DENND1B: variants seen among roughly 807,000 people sequenced by gnomAD.
DENND1B encodes the protein DENN domain containing 1B.
DENND1B carries 59 observed loss-of-function variants against 90.1 expected under a neutral mutation model. The ratio of observed to expected loss-of-function variants is 0.65; its 90% CI spans 0.53 to 0.81. The LOEUF (loss-of-function observed/expected upper bound fraction) is 0.81. DENND1B is among the 40% of genes least tolerant of loss of function. The probability of loss-of-function intolerance (pLI) is 0.00; values close to 1 mark genes in which losing one functional copy is unlikely to be tolerated. For synonymous variants in DENND1B, 337 were observed against 324.6 expected, an observed-to-expected ratio of 1.04 and a Z score of -0.41; for missense variants, 862 against 912.6, an observed-to-expected ratio of 0.94 and a Z score of 0.71.
At chr1:197,639,264 A>G (rs979328608) in intron 10 of DENND1B, among the ~76,000 whole-genome samples, 1 of 151,988 alleles carries the variant, frequency 6.6e-6, no homozygotes, top group African/African-American at 2.4e-5. Context: ...GGGTTTCGCT[A>G]TGTTGGCCAG....
chr1:197,648,866 A>T (rs1192174893), intron 7 of DENND1B, among the ~76,000 whole-genome samples: 6 of 152,208 alleles, frequency 3.9e-5, no homozygotes, highest in Non-Finnish European at 8.8e-5. Flanking sequence ...TATCCTTTAA[A>T]TAGCTACAAT....
At chr1:197,632,520 C>G (rs1260231520) in intron 10 of DENND1B, among the ~76,000 whole-genome samples, 1 of 152,172 alleles carries the variant, frequency 6.6e-6, no homozygotes, top group Non-Finnish European at 1.5e-5. Context: ...ATCACACTGA[C>G]TGTCCTTGAC....
chr1:197,537,261 G>A (rs2125647289), intron 20 of DENND1B, among the ~76,000 whole-genome samples: 1 of 152,180 alleles, frequency 6.6e-6, no homozygotes, highest in South Asian at 2.1e-4. Flanking sequence ...ACACCAGGTA[G>A]GAAAATCATG....
intron 18 of DENND1B, among the ~76,000 whole-genome samples, chr1:197,544,695 AAG>A (rs1476571168): frequency 7.1e-6 from 1 of 140,516 alleles, no homozygotes; most frequent in Non-Finnish European, 1.6e-5. Flanking sequence ...AGGAAAGAAG[AAG>A]ATGAAGATGA....
At chr1:197,719,120 C>T (rs1237210598) in intron 2 of DENND1B, among the ~76,000 whole-genome samples, 1 of 151,652 alleles carries the variant, frequency 6.6e-6, no homozygotes, top group Non-Finnish European at 1.5e-5. Flanking sequence ...AGGAGGTGGC[C>T]GATTTAAGAT....
At chr1:197,675,531 T>C (rs183410167) in intron 3 of DENND1B, among the ~76,000 whole-genome samples, 1 of 152,274 alleles carries the variant, frequency 6.6e-6, no homozygotes, top group Admixed American at 6.5e-5. Context: ...ACAGACTCTA[T>C]ATTAAGCGAA....
chr1:197,634,138 T>C (rs1036985731), intron 10 of DENND1B, among the ~76,000 whole-genome samples: 7 of 152,190 alleles, frequency 4.6e-5, no homozygotes, highest in Admixed American at 4.6e-4. Context: ...TAGGGCTTCT[T>C]CCCTGGGTGC....
intron 20 of DENND1B, among the ~76,000 whole-genome samples, chr1:197,528,334 A>G (rs1669291665): frequency 1.3e-5 from 2 of 152,200 alleles, no homozygotes; most frequent in Admixed American, 1.3e-4. Flanking sequence ...AAGTCTCTGC[A>G]TGCATAAAAG....
intron 2 of DENND1B, among the ~76,000 whole-genome samples, chr1:197,753,359 C>T (rs1189494154): frequency 6.6e-6 from 1 of 151,910 alleles, no homozygotes; most frequent in African/African-American, 2.4e-5. Context: ...CTGGAAAAGG[C>T]AAACTGTAGA....
intron 13 of DENND1B, among the ~76,000 whole-genome samples, chr1:197,601,526 G>GA (rs35339740): frequency 0.16 from 23,631 of 147,936 alleles, 2,096 homozygotes; most frequent in Non-Finnish European, 0.2. Flanking sequence ...ACCTTTTTTA[G>GA]AAAAAAAAAA....
chr1:197,634,197 T>C (rs1051399790), intron 10 of DENND1B, among the ~76,000 whole-genome samples: 2 of 152,204 alleles, frequency 1.3e-5, no homozygotes, highest in Non-Finnish European at 2.9e-5. Flanking sequence ...GTTATTTCTA[T>C]AGTCTTTAGA....
intron 13 of DENND1B, among the ~76,000 whole-genome samples, chr1:197,604,222 A>G (rs1207400645): frequency 1.3e-5 from 2 of 151,190 alleles, no homozygotes; most frequent in African/African-American, 4.8e-5. Flanking sequence ...ATCCAAATCT[A>G]TAGTGAAATG....
At chr1:197,686,498 C>CTA (rs1390972429) in intron 3 of DENND1B, among the ~76,000 whole-genome samples, 1 of 152,176 alleles carries the variant, frequency 6.6e-6, no homozygotes, top group Non-Finnish European at 1.5e-5. Context: ...CTAGTTTCTA[C>CTA]ATTTAGTAGC....
chr1:197,759,773 G>A (rs906891927), intron 2 of DENND1B, among the ~76,000 whole-genome samples: 14 of 147,156 alleles, frequency 9.5e-5, no homozygotes, highest in Admixed American at 4.8e-4. Flanking sequence ...AAAAGCATGC[G>A]GGAGGAAGAT....
intron 1 of DENND1B, among the ~76,000 whole-genome samples, 173 bp downstream of exon 1, chr1:197,774,966 C>G (rs977696468): frequency 4.6e-5 from 7 of 152,038 alleles, no homozygotes; most frequent in Admixed American, 2.6e-4. Flanking sequence ...CGGCCTAGCG[C>G]CGTCCCGCCG....
At position 197,512,959 on chromosome 1, in the gene DENND1B, G is replaced by C. The variant is rs751280858; in HGVS notation, c.1516-6C>G. On this transcript the variant is annotated splice_region_variant and splice_polypyrimidine_tract_variant and intron_variant, in intron 20 of 22. Coordinates refer to ENST00000620048, the MANE Select transcript of DENND1B (RefSeq NM_001195215.2). ...AGAGGCCTTTTTAAGCGTGCCTGGAGAGAGAGATTGACAATAAATTGGCAT... is the reference window on the plus strand; with the variant it reads ...AGAGGCCTTTTTAAGCGTGCCTGGACAGAGAGATTGACAATAAATTGGCAT... 5.6e-6 allele frequency: 9 copies of C among 1,603,110 alleles called. 1 individual carries two copies. The South Asian group carries it at 1.0e-4, about 18-fold the overall frequency.
At chr1:197,643,524 C>T (rs1680468760) in intron 9 of DENND1B, among the ~76,000 whole-genome samples, 1 of 152,074 alleles carries the variant, frequency 6.6e-6, no homozygotes, top group Admixed American at 6.6e-5. Context: ...AAACCGCTGC[C>T]CCAGACAATA....
At chr1:197,512,683 A>G (rs1019249974) in intron 21 of DENND1B, among the ~76,000 whole-genome samples, 188 bp downstream of exon 21, 8 of 151,688 alleles carry the variant, frequency 5.3e-5, no homozygotes, top group Non-Finnish European at 8.9e-5. Flanking sequence ...TTTAAGGTCC[A>G]TCTTAGTTTC....
At chr1:197,781,509 A>T in the DENND1B span, among the ~76,000 whole-genome samples, 1 of 152,328 alleles carries the variant, frequency 6.6e-6, no homozygotes, top group South Asian at 2.1e-4. Flanking sequence ...TAGTGTTGTT[A>T]AGGAAAACAT....
Sources: gnomAD v4.1 joint callset for allele counts (sites outside exome capture counted in the v4.1 genomes callset) on GRCh38, gnomAD v4.1.1 for gene constraint, MANE v1.5 for transcripts, NCBI Gene and HGNC (gene_info 2026-07-23, HGNC 2026-07-21) for gene names.